The following ZNF469 variants were observed in gnomAD, a reference collection of about 807,000 sequenced individuals.
The protein encoded by ZNF469 is zinc finger protein 469.
ZNF469 carries 1 observed loss-of-function variant against 1.0 expected under a neutral mutation model. The observed-to-expected ratio is 1.00, with a 90% CI of 0.35 to 4.73. ZNF469 has a LOEUF of 4.73. Among genes scored for constraint, ZNF469 ranks in the 30% most tolerant of loss-of-function variants. The pLI is 0.16. For missense variants in ZNF469, 6,100 were observed against 5,356.3 expected, an observed-to-expected ratio of 1.14 and a Z score of -4.33; for synonymous variants, 2,703 against 2,363.4, an observed-to-expected ratio of 1.14 and a Z score of -4.17.
rs1478740088 is a variant in ZNF469, at chr16:88,430,752, C to T, written c.3282C>T (p.Phe1094=). Residue 1094 remains phenylalanine, a synonymous_variant, in exon 3 of 3, where the codon TTC becomes TTT. Transcript: ENST00000565624. The part of the protein sequence containing the change: ...AEDRRLREYD[F]ASESEEDEQP... The stretch of plus-strand genomic sequence containing the variant: ...ACCGCAGGCTCCGCGAGTACGACTT[C>T]GCCTCGGAGTCCGAGGAGGACGAGC... The T allele has an allele frequency of 1.3e-6, 2 of 1,506,480 alleles. No individual in the cohort carries two copies. The highest frequency in any genetic ancestry group is 2.5e-5 in the East Asian group (1 of 39,546). The allele number at this position is 1,506,480 out of a possible 1,614,324, so 93.3% of individuals were successfully genotyped here.
rs1028808975 is a variant in ZNF469 at position 88,427,499 on chromosome 16, C to T, written c.29C>T (p.Pro10Leu). MPGERPRGA[P>L]PPTMTGDLQP... ...CCTGGGGAGCGCCCCCGAGGAGCGC[C>T]GCCCCCCACCATGACTGGAGACCTG... The change falls in exon 3 of 3, where the codon CCG becomes CTG. Residue 10 changes from proline (P) to leucine (L), a missense_variant. By Grantham distance (98) the Pro-to-Leu change is moderately conservative. Transcript: ENST00000565624. 24 of 1,528,888 alleles carry T rather than the reference C, an allele frequency of 1.6e-5. No individual in the cohort carries two copies. Among genetic ancestry groups the T allele is most frequent in the Admixed American group, 2.0e-5 (1 of 50,348 alleles). 94.7% of individuals were successfully genotyped at this position (1,528,888 alleles called of 1,614,324 possible). A position where few individuals can be genotyped will look rare whatever the true frequency, so the allele number is the denominator to read the frequency against.
chr16:88,317,966 C>T, the ZNF469 span, among the ~76,000 whole-genome samples: 1 of 152,260 alleles, frequency 6.6e-6, no homozygotes, highest in East Asian at 1.9e-4. Context: ...TGCCTTGGCA[C>T]TCAGAGCATG....
the ZNF469 span, among the ~76,000 whole-genome samples, chr16:88,353,469 G>A: frequency 3.3e-5 from 5 of 152,242 alleles, no homozygotes; most frequent in South Asian, 6.2e-4. Context: ...CCCCCTTCAC[G>A]CTGTACAGAG....
chr16:88,219,780 T>C, the ZNF469 span, among the ~76,000 whole-genome samples: 1 of 152,170 alleles, frequency 6.6e-6, no homozygotes, highest in Non-Finnish European at 1.5e-5. Context: ...ATCATGTGAC[T>C]TGTGGGGAAA....
At chr16:88,399,373 G>A (rs1347427540) in intron 1 of ZNF469, among the ~76,000 whole-genome samples, 2 of 152,232 alleles carry the variant, frequency 1.3e-5, no homozygotes, top group African/African-American at 4.8e-5. Context: ...TGCAGAGACT[G>A]GGACCACATT....
chr16:88,181,386 T>A, the ZNF469 span, among the ~76,000 whole-genome samples: 1 of 152,230 alleles, frequency 6.6e-6, no homozygotes, highest in Admixed American at 6.5e-5. Flanking sequence ...CACACTTTTT[T>A]ACAAATGCAC....
chr16:88,351,863 G>A, the ZNF469 span, among the ~76,000 whole-genome samples: 11,597 of 152,298 alleles, frequency 0.076, 510 homozygotes, highest in East Asian at 0.13. Context: ...TGCCGTGCTC[G>A]CTCCAGCATC....
chr16:88,111,113 C>G, the ZNF469 span, among the ~76,000 whole-genome samples: 9 of 152,342 alleles, frequency 5.9e-5, no homozygotes, highest in South Asian at 1.2e-3. Flanking sequence ...GTCAGGGCCC[C>G]TCCCGCACCG....
the ZNF469 span, among the ~76,000 whole-genome samples, chr16:88,314,053 T>C: frequency 6.7e-6 from 1 of 148,856 alleles, no homozygotes; most frequent in Non-Finnish European, 1.5e-5. Flanking sequence ...GTCTCTGTAA[T>C]TAAGATGATG....
chr16:88,134,873 G>C, the ZNF469 span, among the ~76,000 whole-genome samples: 413 of 152,328 alleles, frequency 2.7e-3, 4 homozygotes, highest in African/African-American at 9.5e-3. Context: ...TGATTTATAA[G>C]AGCTCTTTCT....
At chr16:88,408,699 G>A (rs889604186) in intron 1 of ZNF469, among the ~76,000 whole-genome samples, 1 of 152,144 alleles carries the variant, frequency 6.6e-6, no homozygotes, top group African/African-American at 2.4e-5. Flanking sequence ...TTACTGCCGG[G>A]GCCACATGGG....
the ZNF469 span, among the ~76,000 whole-genome samples, chr16:88,296,478 AAC>A: frequency 1.1e-4 from 17 of 149,168 alleles, no homozygotes; most frequent in African/African-American, 2.2e-4. Context: ...ACAGTGCACA[AAC>A]ACACATATGT....
In ZNF469 at chr16:88,434,967, G is replaced by C. The variant is rs768288160; in HGVS notation, c.7497G>C (p.Pro2499=). The change falls in exon 3 of 3, where the codon CCG becomes CCC. Residue 2499 remains proline (P), a synonymous_variant. Transcript: ENST00000565624. ...RHKARKHRPH[P]GAPAEPSPAA... is the part of the protein sequence containing the mutation. The stretch of plus-strand genomic sequence containing the variant: ...AGGCCAGGAAGCACCGGCCACACCC[G>C]GGAGCCCCCGCGGAGCCGAGCCCAG... 1 of 1,549,792 alleles carries C rather than the reference G, an allele frequency of 6.5e-7. No individual in the cohort carries two copies. Among genetic ancestry groups the C allele is most frequent in the East Asian group, 2.4e-5 (1 of 40,930 alleles).
At chr16:88,106,820 G>T in the ZNF469 span, among the ~76,000 whole-genome samples, 3,239 of 152,348 alleles carry the variant, frequency 0.021, 108 homozygotes, top group African/African-American at 0.074. Context: ...CACAGGCCAG[G>T]AGGTGAATTG....
In ZNF469 at chr16:88,436,713, G is replaced by A. The variant is rs752856857; in HGVS notation, c.9243G>A (p.Thr3081=). 24 of 1,549,238 alleles carry A rather than the reference G, an allele frequency of 1.5e-5. No individual in the cohort carries two copies. Among genetic ancestry groups the A allele is most frequent in the South Asian group, 1.5e-4 (13 of 84,042 alleles). The change falls in exon 3 of 3, where the codon ACG becomes ACA. Residue 3081 remains threonine (T), a synonymous_variant. Coordinates refer to ENST00000565624, the MANE Select transcript of ZNF469 (RefSeq NM_001367624.2). ...PGPSFLDFEG[T]ASSQGPQSRR... is the part of the protein sequence containing the mutation. ...CCAGCTTCTTAGACTTCGAGGGCACGGCGAGCTCACAGGGGCCACAGAGCC... is the reference window on the plus strand; with the variant it reads ...CCAGCTTCTTAGACTTCGAGGGCACAGCGAGCTCACAGGGGCCACAGAGCC...
At chr16:88,336,300 CCA>C in the ZNF469 span, among the ~76,000 whole-genome samples, 1 of 150,766 alleles carries the variant, frequency 6.6e-6, no homozygotes, top group African/African-American at 2.5e-5. Flanking sequence ...TGCGCCAATA[CCA>C]CACACATTCA....
the ZNF469 span, among the ~76,000 whole-genome samples, chr16:88,163,941 T>C: frequency 6.7e-6 from 1 of 149,862 alleles, no homozygotes; most frequent in African/African-American, 2.5e-5. Flanking sequence ...GATGAATGGC[T>C]GGGTGGGTGG....
the ZNF469 span, among the ~76,000 whole-genome samples, chr16:88,164,322 A>T: frequency 4.0e-4 from 60 of 151,752 alleles, no homozygotes; most frequent in African/African-American, 1.4e-3. Flanking sequence ...GGGATGATAG[A>T]TGTACAGATG....
At chr16:88,370,710 T>G in the ZNF469 span, among the ~76,000 whole-genome samples, 1 of 152,060 alleles carries the variant, frequency 6.6e-6, no homozygotes, top group Admixed American at 6.6e-5. Context: ...CAGCAATCTA[T>G]CCCCTCAGCT....
Sources: allele counts gnomAD v4.1 joint callset (sites outside exome capture counted in the v4.1 genomes callset), GRCh38; gene constraint gnomAD v4.1.1; transcripts MANE v1.5; gene names NCBI Gene and HGNC (gene_info 2026-07-23, HGNC 2026-07-21).